Variants in USP33 observed in about 807,000 individuals in gnomAD.
USP33 encodes ubiquitin carboxyl-terminal hydrolase 33.
A neutral mutation model predicts 124.2 loss-of-function variants in USP33; 46 were observed. That is an observed-to-expected ratio of 0.37 (90% CI 0.29 to 0.47). USP33 has a LOEUF of 0.47. Ranked by LOEUF, USP33 falls within the 20% of genes least tolerant of loss-of-function variation. USP33 has a pLI of 0.99. For synonymous variants in USP33, 350 were observed against 352.3 expected, an observed-to-expected ratio of 0.99 and a Z score of 0.07; for missense variants, 851 against 1,070.6, an observed-to-expected ratio of 0.79 and a Z score of 2.86.
chr1:77,707,652 T>C (rs1341784345), intron 21 of USP33, among the ~76,000 whole-genome samples: 1 of 152,164 alleles, frequency 6.6e-6, no homozygotes, highest in East Asian at 1.9e-4. Flanking sequence ...CTACTAAGGG[T>C]TCAAACCCTT....
chr1:77,758,054 A>T (rs990438349), intron 1 of USP33, among the ~76,000 whole-genome samples: 11 of 152,190 alleles, frequency 7.2e-5, no homozygotes, highest in African/African-American at 2.7e-4. Flanking sequence ...TTCAGAAAAG[A>T]CAGAAAAAAA....
At chr1:77,740,304 C>A (rs1678973605) in intron 4 of USP33, among the ~76,000 whole-genome samples, 1 of 152,026 alleles carries the variant, frequency 6.6e-6, no homozygotes, top group African/African-American at 2.4e-5. Flanking sequence ...CTCTCTTGGG[C>A]TTCAACCTCC....
At chr1:77,751,275 T>C (rs897904880) in intron 1 of USP33, among the ~76,000 whole-genome samples, 13 of 152,162 alleles carry the variant, frequency 8.5e-5, no homozygotes, top group African/African-American at 2.9e-4. Flanking sequence ...ACTGAAAATT[T>C]TTCCAGATGA....
intron 11 of USP33, 130 bp from the exon 12 acceptor site, chr1:77,723,573 T>A (rs552467221): frequency 4.8e-6 from 3 of 626,470 alleles, no homozygotes; most frequent in African/African-American, 3.7e-5. Context: ...AATTACTGTG[T>A]TGAAAATTTT....
intron 15 of USP33, 109 bp from the exon 16 acceptor site, chr1:77,718,750 T>C (rs961820164): frequency 8.8e-6 from 7 of 795,716 alleles, no homozygotes; most frequent in African/African-American, 1.8e-5. Flanking sequence ...GCAAACATGG[T>C]GAAATCCCGT....
At chr1:77,738,368 ATTTCC>A (rs1391455695) in intron 5 of USP33, among the ~76,000 whole-genome samples, 1 of 152,222 alleles carries the variant, frequency 6.6e-6, no homozygotes, top group Non-Finnish European at 1.5e-5. Context: ...TTCTAAGTTA[ATTTCC>A]TTTTTCCTAT....
intron 21 of USP33, among the ~76,000 whole-genome samples, chr1:77,705,850 C>G (rs1296241691): frequency 6.6e-6 from 1 of 152,134 alleles, no homozygotes; most frequent in Non-Finnish European, 1.5e-5. Context: ...CCCTTGAAAT[C>G]ACTGTTTGTC....
intron 19 of USP33, 46 bp downstream of exon 19, chr1:77,714,568 T>G: frequency 2.6e-6 from 4 of 1,568,368 alleles, no homozygotes; most frequent in Non-Finnish European, 3.4e-6. Flanking sequence ...TGCAAATTAT[T>G]TTACAGCAAA....
chr1:77,718,754 A>T, intron 15 of USP33, 113 bp from the exon 16 acceptor site: 1 of 777,444 alleles, frequency 1.3e-6, no homozygotes, highest in Non-Finnish European at 2.1e-6. Context: ...ACATGGTGAA[A>T]TCCCGTCTCT....
chr1:77,719,053 C>T (rs2101354672), intron 15 of USP33, among the ~76,000 whole-genome samples: 1 of 152,212 alleles, frequency 6.6e-6, no homozygotes, highest in East Asian at 1.9e-4. Context: ...CACTGGAGTC[C>T]CTTATTGTAA....
intron 12 of USP33, among the ~76,000 whole-genome samples, chr1:77,722,752 A>G (rs550280568): frequency 6.6e-6 from 1 of 152,262 alleles, no homozygotes; most frequent in South Asian, 2.1e-4. Context: ...TGTTTTTGAG[A>G]TGTTATTTCA....
Position 77,718,643 on chromosome 1 carries a change from T to G in USP33, c.1692-2A>C. ...CAAAACTTCACTCCATTTCTCAACC[T>G]AAGGGGAGAAAAGAGAAAATCAATT... On this transcript the variant is annotated splice_acceptor_variant, in intron 15 of 23. Transcript: ENST00000370794. LOFTEE classifies it high-confidence loss of function. 6.2e-7 allele frequency: 1 copy of G among 1,602,364 alleles called. No homozygotes were observed. Among genetic ancestry groups the G allele is most frequent in the Admixed American group, 1.7e-5 (1 of 58,860 alleles).
At chr1:77,748,787 C>CCG (rs1553201505) in intron 1 of USP33, among the ~76,000 whole-genome samples, 1 of 118,566 alleles carries the variant, frequency 8.4e-6, no homozygotes, top group Non-Finnish European at 1.8e-5. Flanking sequence ...CCTCCCCCCC[C>CCG]CCCCCGTGCT....
At chr1:77,740,175 C>T (rs1183179594) in intron 4 of USP33, among the ~76,000 whole-genome samples, 1 of 152,162 alleles carries the variant, frequency 6.6e-6, no homozygotes, top group Non-Finnish European at 1.5e-5. Flanking sequence ...AAGTACCAAA[C>T]AACCAGAGCA....
intron 9 of USP33, among the ~76,000 whole-genome samples, chr1:77,729,606 G>A (rs922223646): frequency 1.3e-5 from 2 of 152,048 alleles, no homozygotes; most frequent in South Asian, 2.1e-4. Context: ...GGGAGGTGGA[G>A]GTTGCAGTGA....
At chr1:77,738,390 A>G (rs995484929) in intron 5 of USP33, among the ~76,000 whole-genome samples, 1 of 152,206 alleles carries the variant, frequency 6.6e-6, no homozygotes, top group African/African-American at 2.4e-5. Context: ...CTATTTTTCT[A>G]TGACTTTAAG....
At chr1:77,722,744 T>C (rs1676712292) in intron 12 of USP33, among the ~76,000 whole-genome samples, 1 of 152,180 alleles carries the variant, frequency 6.6e-6, no homozygotes, top group South Asian at 2.1e-4. Context: ...CTTCTTTTTG[T>C]TTTTGAGATG....
rs1327913588 is a variant in USP33 at position 77,698,548 on chromosome 1, T to C, written c.2510-617A>G. 4.7e-5 allele frequency among the ~76,000 whole-genome samples: 7 copies of C among 150,230 alleles called. No homozygotes were observed. The East Asian group carries it at 1.4e-3, about 29-fold the overall frequency. The stretch of plus-strand genomic sequence containing the variant: ...GGAGTCTCGCTCTGTTGCCAAGGGC[T>C]GGAGTGCAGTGGCATCATCTCGGCT... On this transcript the variant is annotated intron_variant, in intron 22 of 23. Coordinates refer to ENST00000370794, the MANE Select transcript of USP33 (RefSeq NM_201624.3).
chr1:77,729,390 G>C (rs1418437773), intron 9 of USP33, among the ~76,000 whole-genome samples: 2 of 142,584 alleles, frequency 1.4e-5, no homozygotes, highest in African/African-American at 5.2e-5. Context: ...AAAAAAAAAA[G>C]GCTGAGTACA....
Sources: allele counts gnomAD v4.1 joint callset (sites outside exome capture counted in the v4.1 genomes callset), GRCh38; gene constraint gnomAD v4.1.1; transcripts MANE v1.5; gene names NCBI Gene and HGNC (gene_info 2026-07-23, HGNC 2026-07-21).